Variants in LRRC39 observed in about 807,000 individuals in gnomAD.
LRRC39 encodes leucine-rich repeat-containing protein 39.
LRRC39 carries 35 observed loss-of-function variants against 39.7 expected under a neutral mutation model. The ratio of observed to expected loss-of-function variants is 0.88; its 90% CI spans 0.67 to 1.17. The LOEUF (loss-of-function observed/expected upper bound fraction) is 1.17. LRRC39 is among the 50% of genes most tolerant of loss of function. The pLI is 0.00. For missense variants in LRRC39, 357 were observed against 385.8 expected (o/e 0.93, Z 0.62); for synonymous variants, 113 against 134.1 (o/e 0.84, Z 1.09).
chr1:100,159,348 A>G lies in LRRC39; in HGVS notation c.287T>C (p.Leu96Pro), dbSNP rs537725710. The G allele has an allele frequency of 6.2e-7, 1 of 1,612,142 alleles. No individual in the cohort carries two copies. The highest frequency in any genetic ancestry group is 1.3e-5 in the African/African-American group (1 of 74,926). The change falls in exon 5 of 10, where the codon CTG becomes CCG. Residue 96 changes from leucine (L) to proline (P), a missense_variant. Coordinates refer to ENST00000370137, the MANE Select transcript of LRRC39 (RefSeq NM_144620.4). ...TCTTCCAATGAATTCAGGAATTTTCAGCAAACCAGTTCTATGAAGTTGCCA... is the reference window on the plus strand; with the variant it reads ...TCTTCCAATGAATTCAGGAATTTTCGGCAAACCAGTTCTATGAAGTTGCCA... ...QEWQLHRTGL[L>P]KIPEFIGRFQ...
chr1:100,149,393 T>C, intron 9 of LRRC39: 1 of 1,546,374 alleles, frequency 6.5e-7, no homozygotes, highest in South Asian at 1.2e-5. Context: ...CATACATGTA[T>C]ATATTGTCAG....
intron 1 of LRRC39, among the ~76,000 whole-genome samples, chr1:100,174,778 A>G (rs763000931): frequency 2.6e-5 from 4 of 152,244 alleles, no homozygotes; most frequent in Non-Finnish European, 5.9e-5. Context: ...AAAACAGAAT[A>G]CAAAGCATAT....
intron 1 of LRRC39, among the ~76,000 whole-genome samples, chr1:100,174,301 A>AT (rs202141832): frequency 1.1e-3 from 160 of 143,872 alleles, no homozygotes; most frequent in Middle Eastern, 7.1e-3. Context: ...CATTGTGGAA[A>AT]TTTTTTTTTT....
intron 3 of LRRC39, among the ~76,000 whole-genome samples, chr1:100,167,496 C>G (rs976169437): frequency 1.3e-5 from 2 of 152,108 alleles, no homozygotes; most frequent in African/African-American, 2.4e-5. Flanking sequence ...AGGCAATGGC[C>G]TGGCATGGTG....
intron 3 of LRRC39, among the ~76,000 whole-genome samples, chr1:100,164,931 G>T (rs1447081887): frequency 6.6e-6 from 1 of 151,926 alleles, no homozygotes; most frequent in African/African-American, 2.4e-5. Context: ...TCTCAAGCTC[G>T]TTGGGCTCAA....
At chr1:100,175,354 T>TG (rs1557931014) in intron 1 of LRRC39, among the ~76,000 whole-genome samples, 1 of 151,154 alleles carries the variant, frequency 6.6e-6, no homozygotes, top group African/African-American at 2.4e-5. Flanking sequence ...TGCCAGTTTT[T>TG]TTTTTTTTTT....
At chr1:100,166,567 G>A (rs967218255) in intron 3 of LRRC39, among the ~76,000 whole-genome samples, 14 of 152,200 alleles carry the variant, frequency 9.2e-5, no homozygotes, top group South Asian at 4.1e-4. Flanking sequence ...TCTGTGGAAC[G>A]TTGAACTTGA....
chr1:100,163,574 T>A (rs1319164277), intron 3 of LRRC39, among the ~76,000 whole-genome samples: 1 of 149,422 alleles, frequency 6.7e-6, no homozygotes, highest in Non-Finnish European at 1.5e-5. Flanking sequence ...AAATATTCTA[T>A]AATTCCTATA....
At chr1:100,151,933 A>T (rs945331589) in intron 9 of LRRC39, among the ~76,000 whole-genome samples, 1 of 152,128 alleles carries the variant, frequency 6.6e-6, no homozygotes, top group Non-Finnish European at 1.5e-5. Context: ...CCTGGGCAAC[A>T]TAGTAAGACC....
In LRRC39 at chr1:100,153,643, A is replaced by G. The variant is rs531508368; in HGVS notation, c.813-1119T>C. Among the ~76,000 whole-genome samples the G allele has an allele frequency of 3.3e-3, 505 of 152,342 alleles. 8 individuals carry two copies. Among genetic ancestry groups the G allele is most frequent in the Non-Finnish European group, 7.1e-4 (48 of 68,028 alleles). ...AAAGGACATGAACAGACATTTCCCA[A>G]AAGAAGACATACAAGCAACCTAAAA... is the stretch of plus-strand genomic sequence containing the variant. On this transcript the variant is annotated intron_variant, in intron 8 of 9. Coordinates refer to ENST00000370137, the MANE Select transcript of LRRC39 (RefSeq NM_144620.4).
intron 3 of LRRC39, among the ~76,000 whole-genome samples, chr1:100,162,263 A>G (rs1246292758): frequency 6.6e-6 from 1 of 152,180 alleles, no homozygotes; most frequent in African/African-American, 2.4e-5. Flanking sequence ...TACATATAAA[A>G]ATGTATAAAA....
At chr1:100,174,541 T>G (rs1207313116) in intron 1 of LRRC39, among the ~76,000 whole-genome samples, 1 of 151,898 alleles carries the variant, frequency 6.6e-6, no homozygotes, top group East Asian at 1.9e-4. Context: ...TCAAGTGATC[T>G]GCCTGCCTTG....
intron 9 of LRRC39, among the ~76,000 whole-genome samples, chr1:100,152,124 C>T (rs370821807): frequency 6.6e-6 from 1 of 152,252 alleles, no homozygotes; most frequent in Non-Finnish European, 1.5e-5. Flanking sequence ...ATCATGTCTT[C>T]ACTCACTTGG....
In LRRC39 at chr1:100,157,172, C is replaced by T. The variant is rs561312198; in HGVS notation, c.514-855G>A. On this transcript the variant is annotated intron_variant, in intron 6 of 9. Coordinates refer to ENST00000370137, the MANE Select transcript of LRRC39 (RefSeq NM_144620.4). ...TGATATGGTTTGGCTGTGTCCCCAC[C>T]CAAATTTCATCTTGAATTGTACCTC... Among the ~76,000 whole-genome samples, 19 of 152,148 alleles carry T rather than the reference C, an allele frequency of 1.2e-4. No homozygotes were observed. In the South Asian group the frequency reaches 3.5e-3, roughly 28 times the overall value.
At chr1:100,156,455 A>C in intron 6 of LRRC39, 138 bp from the exon 7 acceptor site, 4 of 707,866 alleles carry the variant, frequency 5.7e-6, no homozygotes, top group Non-Finnish European at 8.3e-6. Flanking sequence ...ATTAGTCCGC[A>C]ACAAATTAAA....
At chr1:100,154,980 T>C (rs999410871) in intron 8 of LRRC39, 71 bp downstream of exon 8, 33 of 1,335,002 alleles carry the variant, frequency 2.5e-5, no homozygotes, top group Middle Eastern at 1.9e-4. Flanking sequence ...AATAACAATC[T>C]CTCTACAGTA....
At chr1:100,149,935 TAAG>T (rs1201252624) in intron 9 of LRRC39, 3 of 152,798 alleles carry the variant, frequency 2.0e-5, no homozygotes, top group African/African-American at 7.2e-5. Flanking sequence ...GATTTGTAAA[TAAG>T]AAGCCTAACC....
rs750790601 is a variant in LRRC39, at chr1:100,155,110, A to T, written c.753T>A (p.Val251=). The T allele has an allele frequency of 1.9e-6, 3 of 1,611,004 alleles. No individual in the cohort carries two copies. Among genetic ancestry groups the T allele is most frequent in the Non-Finnish European group, 1.7e-6 (2 of 1,179,008 alleles). ...TATCTTGCAGTTTATTGTTGCTGAG[A>T]ACAAGAGTACCCAGATTTTTCATAT... ...ISNMKNLGTL[V]LSNNKLQDIP... Residue 251 remains valine, a synonymous_variant, in exon 8 of 10, where the codon GTT becomes GTA. Transcript: ENST00000370137.
chr1:100,160,324 A>C (rs1406993623), intron 4 of LRRC39, 142 bp downstream of exon 4: 1 of 551,856 alleles, frequency 1.8e-6, no homozygotes, highest in Non-Finnish European at 3.0e-6. Flanking sequence ...TTTCAGTTGC[A>C]CATGTTGCTC....
Sources: gnomAD v4.1 joint callset for allele counts (sites outside exome capture counted in the v4.1 genomes callset) on GRCh38, gnomAD v4.1.1 for gene constraint, MANE v1.5 for transcripts, NCBI Gene and HGNC (gene_info 2026-07-23, HGNC 2026-07-21) for gene names.